Variants in PTPN3 observed in about 807,000 individuals in gnomAD.
PTPN3 encodes tyrosine-protein phosphatase non-receptor type 3.
Under a neutral mutation model 132.7 loss-of-function variants are expected in PTPN3, and 96 were observed. The ratio of observed to expected loss-of-function variants is 0.72; its 90% CI spans 0.61 to 0.86. The LOEUF is 0.86. PTPN3 is among the 40% of genes least tolerant of loss of function. The pLI, the probability that PTPN3 is intolerant of heterozygous loss-of-function variation, is 0.00. For synonymous variants in PTPN3, 398 were observed against 429.0 expected (o/e 0.93, Z 0.89); for missense variants, 1,125 against 1,159.6 (o/e 0.97, Z 0.43).
At chr9:109,518,768 G>T in the PTPN3 span, among the ~76,000 whole-genome samples, 2 of 152,136 alleles carry the variant, frequency 1.3e-5, no homozygotes, top group Non-Finnish European at 2.9e-5. Flanking sequence ...CATCTCCATT[G>T]ACTTTAAAGA....
intron 10 of PTPN3, among the ~76,000 whole-genome samples, chr9:109,431,045 C>T (rs1290709203): frequency 6.6e-6 from 1 of 152,236 alleles, no homozygotes; most frequent in Non-Finnish European, 1.5e-5. Context: ...CCCTTGTCAC[C>T]CTGGGGTCAC....
At chr9:109,507,540 G>T in the PTPN3 span, among the ~76,000 whole-genome samples, 3 of 152,196 alleles carry the variant, frequency 2.0e-5, no homozygotes, top group Admixed American at 6.5e-5. Context: ...CCTCAACTGC[G>T]CCCTGGCGTC....
intron 11 of PTPN3, among the ~76,000 whole-genome samples, chr9:109,427,902 C>T (rs776046543): frequency 2.8e-4 from 42 of 152,208 alleles, no homozygotes; most frequent in Non-Finnish European, 4.6e-4. Context: ...GTCTCGGATT[C>T]GTAATGATCT....
In PTPN3 at chr9:109,428,609, A is replaced by T. The variant is rs577152622; in HGVS notation, c.828+12T>A. ...TGCACGAAACAAAGCAAGCAAAGAC[A>T]TAACTACTCACCTGTTTCTGTCGCT... On this transcript the variant is annotated intron_variant, in intron 11 of 25. Coordinates refer to ENST00000374541, the MANE Select transcript of PTPN3 (RefSeq NM_002829.4). 1 of 1,612,424 alleles carries T rather than the reference A, an allele frequency of 6.2e-7. No homozygotes were observed. The highest frequency in any genetic ancestry group is 2.2e-5 in the East Asian group (1 of 44,862).
chr9:109,409,693 C>A (rs1163337328), intron 16 of PTPN3, among the ~76,000 whole-genome samples: 1 of 152,056 alleles, frequency 6.6e-6, no homozygotes, highest in Non-Finnish European at 1.5e-5. Context: ...TATGGTGGTG[C>A]ATCCCTATAG....
At chr9:109,501,259 A>G (rs1017228270), upstream of PTPN3, among the ~76,000 whole-genome samples, 1 of 152,204 alleles carries the variant, frequency 6.6e-6, no homozygotes, top group Non-Finnish European at 1.5e-5. Context: ...TCAGTTTTAC[A>G]GAAGAGAAAA....
chr9:109,422,861 C>A lies in PTPN3; in HGVS notation c.1002-9G>T, dbSNP rs768724886. The A allele has an allele frequency of 1.9e-6, 3 of 1,612,054 alleles. No homozygotes were observed. The Admixed American group carries it at 5.0e-5, about 27-fold the overall frequency. On this transcript the variant is annotated splice_polypyrimidine_tract_variant and intron_variant, in intron 12 of 25. Coordinates refer to ENST00000374541, the MANE Select transcript of PTPN3 (RefSeq NM_002829.4). The stretch of plus-strand genomic sequence containing the variant: ...ATTGGTTATTTACCGACCTGAAAAA[C>A]CAGATGCAGGTTCACTTTCTACACT...
chr9:109,474,052 A>G (rs560384602), intron 1 of PTPN3, among the ~76,000 whole-genome samples: 74 of 152,118 alleles, frequency 4.9e-4, no homozygotes, highest in African/African-American at 1.7e-3. Context: ...TTGCAAAGAA[A>G]TAAGATTTGG....
At chr9:109,515,290 G>A in the PTPN3 span, among the ~76,000 whole-genome samples, 1 of 152,302 alleles carries the variant, frequency 6.6e-6, no homozygotes, top group East Asian at 1.9e-4. Context: ...CTCACAAAGT[G>A]CTGGGATTAT....
chr9:109,497,918 G>A (rs1045683005), intron 1 of PTPN3, among the ~76,000 whole-genome samples: 21 of 149,040 alleles, frequency 1.4e-4, no homozygotes, highest in African/African-American at 5.1e-4. Flanking sequence ...GCCCCTGCCC[G>A]GCTGGAGCGC....
chr9:109,483,691 C>T (rs138121165), intron 1 of PTPN3, among the ~76,000 whole-genome samples: 18 of 152,310 alleles, frequency 1.2e-4, no homozygotes, highest in East Asian at 7.7e-4. Context: ...CGGGCTCTTA[C>T]GATCAGTCTC....
At chr9:109,468,389 C>G (rs1461422181) in intron 1 of PTPN3, among the ~76,000 whole-genome samples, 1 of 151,702 alleles carries the variant, frequency 6.6e-6, no homozygotes, top group Non-Finnish European at 1.5e-5. Flanking sequence ...TTTTTTGAGA[C>G]AGAGTCTTGC....
chr9:109,479,094 A>C (rs1846837352), intron 1 of PTPN3, among the ~76,000 whole-genome samples: 1 of 151,732 alleles, frequency 6.6e-6, no homozygotes, highest in South Asian at 2.1e-4. Context: ...AGTGGCTTTA[A>C]TTATATTCAC....
the PTPN3 span, chr9:109,533,706 A>G: frequency 1.4e-6 from 2 of 1,476,562 alleles, no homozygotes; most frequent in Non-Finnish European, 1.8e-6. Context: ...GGAGGGTTGG[A>G]ATACTGTGGT....
chr9:109,476,636 T>G (rs2132088761), intron 1 of PTPN3, among the ~76,000 whole-genome samples: 1 of 152,270 alleles, frequency 6.6e-6, no homozygotes, highest in South Asian at 2.1e-4. Context: ...CAGAGTCCAC[T>G]GGAGGTTTGA....
chr9:109,432,805 C>G (rs1297555862), intron 10 of PTPN3, among the ~76,000 whole-genome samples: 1 of 152,174 alleles, frequency 6.6e-6, no homozygotes, highest in Non-Finnish European at 1.5e-5. Context: ...TCCTTAATGC[C>G]AAGGCCTGCC....
intron 1 of PTPN3, among the ~76,000 whole-genome samples, chr9:109,480,066 G>A (rs1198470152): frequency 6.6e-6 from 1 of 152,146 alleles, no homozygotes; most frequent in Non-Finnish European, 1.5e-5. Context: ...TACATTTTCC[G>A]TAATGACTAA....
the PTPN3 span, among the ~76,000 whole-genome samples, chr9:109,511,198 A>G: frequency 1.3e-5 from 2 of 152,022 alleles, no homozygotes; most frequent in Admixed American, 6.6e-5. Flanking sequence ...TCTGCTTGCA[A>G]TCCTGCTGAG....
At chr9:109,383,212 T>C (rs1308132396) in intron 23 of PTPN3, 1 of 709,034 alleles carries the variant, frequency 1.4e-6, no homozygotes, top group Non-Finnish European at 2.4e-6. Context: ...CCTCCATCGA[T>C]GGACACTGGG....
Sources: allele counts gnomAD v4.1 joint callset (sites outside exome capture counted in the v4.1 genomes callset), GRCh38; gene constraint gnomAD v4.1.1; transcripts MANE v1.5; gene names NCBI Gene and HGNC (gene_info 2026-07-23, HGNC 2026-07-21).